CCNF: variants seen among roughly 807,000 people sequenced by gnomAD.
CCNF encodes the protein cyclin-F.
Under a neutral mutation model 85.4 loss-of-function variants are expected in CCNF, and 30 were observed. The observed-to-expected ratio is 0.35, with a 90% CI of 0.26 to 0.48. The LOEUF (loss-of-function observed/expected upper bound fraction) is 0.48. Ranked by LOEUF, CCNF falls within the 20% of genes least tolerant of loss-of-function variation. The pLI, the probability that CCNF is intolerant of heterozygous loss-of-function variation, is 0.99. For synonymous variants in CCNF, 439 were observed against 425.1 expected (o/e 1.03, Z -0.40); for missense variants, 919 against 1,010.4 (o/e 0.91, Z 1.23).
rs1372262908 is a variant in CCNF, at chr16:2,431,121, T to C, written c.17-9T>C. 3 of 1,612,768 alleles carry C rather than the reference T, an allele frequency of 1.9e-6. No individual in the cohort carries two copies. The highest frequency in any genetic ancestry group is 2.5e-6 in the Non-Finnish European group (3 of 1,179,436). On this transcript the variant is annotated splice_polypyrimidine_tract_variant and intron_variant, in intron 1 of 16. Coordinates refer to ENST00000397066, the MANE Select transcript of CCNF (RefSeq NM_001761.3). ...ATCTTATCAAGGCTTCTGTCTTTTT[T>C]TCCTTCAGTGGTCCACTGTAGGTGT...
Position 2,437,158 on chromosome 16 carries a change from G to A in CCNF, c.376G>A (p.Val126Met). 2 of 1,607,848 alleles carry A rather than the reference G, an allele frequency of 1.2e-6. No individual in the cohort carries two copies. The highest frequency in any genetic ancestry group is 1.1e-5 in the South Asian group (1 of 90,538). ...LSVSDEARAEVNGLKASRFFS... is the reference protein window; with the variant it reads ...LSVSDEARAEMNGLKASRFFS... ...TGTGTCTGATGAGGCCCGCGCAGAA[G>A]TGAATGGCCTGAAGGCCTCTCGCTT... The change falls in exon 5 of 17, where the codon GTG (valine) becomes ATG (methionine). Residue 126 changes from valine to methionine, a missense_variant. Transcript: ENST00000397066.
rs576018409 is a variant in CCNF at position 2,436,844 on chromosome 16, A to T, written c.347-285A>T. ...GGTTCCCAGCTGGAGGGAGGGTGGG[A>T]CATGAAGCGTCGCGGGGTCTCCTTC... On this transcript the variant is annotated intron_variant, in intron 4 of 16. Coordinates refer to ENST00000397066, the MANE Select transcript of CCNF (RefSeq NM_001761.3). The T allele has an allele frequency of 1.1e-4, 30 of 261,378 alleles. No homozygotes were observed. In the South Asian group the frequency reaches 4.4e-3, roughly 38 times the overall value. The allele number at this position is 261,378 out of a possible 1,614,324, so 16.2% of individuals were successfully genotyped here. A position where few individuals can be genotyped will look rare whatever the true frequency, so the allele number is the denominator to read the frequency against.
chr16:2,437,025 T>C, intron 4 of CCNF, 104 bp from the exon 5 acceptor site: 1 of 959,576 alleles, frequency 1.0e-6, no homozygotes, highest in Non-Finnish European at 1.5e-6. Flanking sequence ...TGCTTTGCAC[T>C]ATGGTGGGCT....
At chr16:2,430,870 G>C in intron 1 of CCNF, 1 of 602,528 alleles carries the variant, frequency 1.7e-6, no homozygotes, top group East Asian at 3.3e-5. Context: ...CAATAGCCAA[G>C]TTACATGACA....
At chr16:2,429,646 C>T (rs1055384661) in intron 1 of CCNF, 149 bp downstream of exon 1, 12 of 865,680 alleles carry the variant, frequency 1.4e-5, no homozygotes, top group Non-Finnish European at 1.8e-5. Context: ...TGTCGCGTCC[C>T]GCGCAGGGAG....
chr16:2,445,509 A>C lies in CCNF; in HGVS notation c.981A>C (p.Thr327=), dbSNP rs1194915091. ...AAGTTGCCACCATGAAGGACTTCAC[A>C]AGCCTGTGCCTGCACCTGACCGTGG... ...LVEVATMKDF[T]SLCLHLTVEC... is the part of the protein sequence containing the mutation. Residue 327 remains threonine, a synonymous_variant, in exon 10 of 17, where the codon ACA becomes ACC. Coordinates refer to ENST00000397066, the MANE Select transcript of CCNF (RefSeq NM_001761.3). 6.2e-7 allele frequency: 1 copy of C among 1,613,974 alleles called. No homozygotes were observed. The highest frequency in any genetic ancestry group is 2.2e-5 in the East Asian group (1 of 44,878).
intron 3 of CCNF, 30 bp downstream of exon 3, chr16:2,433,097 C>T: frequency 1.4e-6 from 2 of 1,422,494 alleles, no homozygotes; most frequent in Non-Finnish European, 2.0e-6. Context: ...ATGGCTCAGT[C>T]TTCTCCTGCC....
At position 2,456,983 on chromosome 16, in the gene CCNF, AG is replaced by A. The variant is rs1165099597; in HGVS notation, c.2326del (p.Glu776ArgfsTer4). ...VKRINLCIHS[E>X]EEDMNLGLVR... The stretch of plus-strand genomic sequence containing the variant: ...CGGATAAACCTATGCATACACAGTG[AG>A]GAGGAGGACATGAACCTGGGCCTTG... On this transcript the variant is annotated frameshift_variant, in exon 17 of 17. Transcript: ENST00000397066. LOFTEE classifies it high-confidence loss of function. The surrounding 1 kb of genome is among the most constrained non-coding windows in gnomAD (Gnocchi z 4.5). 6.2e-7 allele frequency: 1 copy of A among 1,603,186 alleles called. No homozygotes were observed. Among genetic ancestry groups the A allele is most frequent in the Non-Finnish European group, 8.5e-7 (1 of 1,173,964 alleles).
chr16:2,441,591 T>A (rs1171145334), intron 8 of CCNF, among the ~76,000 whole-genome samples: 1 of 151,930 alleles, frequency 6.6e-6, no homozygotes. Flanking sequence ...TAGAGCACAG[T>A]GGTGCGATCT....
chr16:2,453,083 G>C lies in CCNF; in HGVS notation c.1488-127G>C. On this transcript the variant is annotated intron_variant, in intron 13 of 16. Transcript: ENST00000397066. The surrounding 1 kb of genome is among the most constrained non-coding windows in gnomAD (Gnocchi z 5.6). ...GTGGTGACTGAGTTTAACCATTCGG[G>C]GAACTGCCAGGTCAGATTCCAGAGT... The C allele has an allele frequency of 1.3e-6, 1 of 764,514 alleles. No homozygotes were observed. The highest frequency in any genetic ancestry group is 2.3e-6 in the Non-Finnish European group (1 of 440,070). 47.4% of individuals were successfully genotyped at this position (764,514 alleles called of 1,614,324 possible). A position where few individuals can be genotyped will look rare whatever the true frequency, so the allele number is the denominator to read the frequency against.
At chr16:2,443,868 C>T (rs2065346248) in intron 9 of CCNF, 68 bp downstream of exon 9, 6 of 1,489,164 alleles carry the variant, frequency 4.0e-6, no homozygotes, top group Non-Finnish European at 5.6e-6. Context: ...GAAGGGAGCC[C>T]TTTCCACTTA....
chr16:2,456,022 A>G lies in CCNF; in HGVS notation c.1885+458A>G, dbSNP rs12922325. Among the ~76,000 whole-genome samples, 116,174 of 152,214 alleles carry G rather than the reference A, an allele frequency of 0.76. 45,320 individuals are homozygous for G. Among genetic ancestry groups the G allele is most frequent in the African/African-American group, 0.92 (38,368 of 41,574 alleles). Reference sequence around the variant, plus strand: ...CAAAAAATTTAAAAATTAGCTGGGCATCGTGGCGTGCGCCTGTGGTCCCAG... The same window carrying G: ...CAAAAAATTTAAAAATTAGCTGGGCGTCGTGGCGTGCGCCTGTGGTCCCAG... On this transcript the variant is annotated intron_variant, in intron 16 of 16. Transcript: ENST00000397066. The surrounding 1 kb of genome is among the most constrained non-coding windows in gnomAD (Gnocchi z 4.5).
intron 15 of CCNF, among the ~76,000 whole-genome samples, chr16:2,454,492 C>A (rs2065413750): frequency 6.6e-6 from 1 of 152,220 alleles, no homozygotes; most frequent in African/African-American, 2.4e-5. Flanking sequence ...AGAGGCCCCC[C>A]ACAGCCCCAT....
Position 2,449,452 on chromosome 16 carries a change from G to T in CCNF, c.1389G>T (p.Thr463=), listed in dbSNP as rs200891175. 1 of 1,604,494 alleles carries T rather than the reference G, an allele frequency of 6.2e-7. No homozygotes were observed. Among genetic ancestry groups the T allele is most frequent in the Non-Finnish European group, 8.5e-7 (1 of 1,179,374 alleles). The part of the protein sequence containing the change: ...AAAALLLARL[T]HGQTQPWTTQ... ...CAGCCCTGCTCCTGGCCAGACTGAC[G>T]CACGGGCAGAGTAAGGAGTGGCCCT... The change falls in exon 12 of 17, where the codon ACG becomes ACT. Residue 463 remains threonine (T), a synonymous_variant. Transcript: ENST00000397066.
rs1242811365 is a variant in CCNF at position 2,451,555 on chromosome 16, C to T, written c.1487+1640C>T. ...CCTCAGCCAAATCCAGCAGACTCAG[C>T]GGTGTGGGCTTTTTTTTCCTTTTTT... On this transcript the variant is annotated intron_variant, in intron 13 of 16. Coordinates refer to ENST00000397066, the MANE Select transcript of CCNF (RefSeq NM_001761.3). This position sits in a 1 kb window ranked among gnomAD's most constrained non-coding sequence, Gnocchi z 4.3. Among the ~76,000 whole-genome samples, 1 of 152,190 alleles carries T rather than the reference C, an allele frequency of 6.6e-6. No homozygotes were observed. The highest frequency in any genetic ancestry group is 1.5e-5 in the Non-Finnish European group (1 of 68,042).
chr16:2,439,096 G>C (rs1465453625), intron 6 of CCNF, among the ~76,000 whole-genome samples: 2 of 151,238 alleles, frequency 1.3e-5, no homozygotes, highest in Non-Finnish European at 2.9e-5. Context: ...CCAGGATTTT[G>C]AGACCAGCCT....
At chr16:2,449,014 T>C (rs368061011) in intron 11 of CCNF, 36 bp downstream of exon 11, 1 of 1,546,846 alleles carries the variant, frequency 6.5e-7, no homozygotes, top group Non-Finnish European at 8.9e-7. Context: ...TTAATCTTCG[T>C]TGTCGCTGTG....
chr16:2,449,469 A>G lies in CCNF; in HGVS notation c.1399+7A>G. 6.3e-7 allele frequency: 1 copy of G among 1,597,394 alleles called. No individual in the cohort carries two copies. The highest frequency in any genetic ancestry group is 8.5e-7 in the Non-Finnish European group (1 of 1,175,702). On this transcript the variant is annotated splice_region_variant and intron_variant, in intron 12 of 16. Coordinates refer to ENST00000397066, the MANE Select transcript of CCNF (RefSeq NM_001761.3). ...AGACTGACGCACGGGCAGAGTAAGG[A>G]GTGGCCCTTCCCAGGGATGCCTGTG...
intron 6 of CCNF, among the ~76,000 whole-genome samples, chr16:2,438,391 C>G (rs2065302997): frequency 6.6e-6 from 1 of 152,200 alleles, no homozygotes; most frequent in Non-Finnish European, 1.5e-5. Flanking sequence ...TCGATGCTCA[C>G]TCGTCTGCTG....
Sources: allele counts gnomAD v4.1 joint callset (sites outside exome capture counted in the v4.1 genomes callset), GRCh38; gene constraint gnomAD v4.1.1; non-coding constraint Gnocchi (gnomAD v3.1); transcripts MANE v1.5; gene names NCBI Gene and HGNC (gene_info 2026-07-23, HGNC 2026-07-21).